Variants in PCDHGA4 observed in about 807,000 individuals in gnomAD.
PCDHGA4 encodes protocadherin gamma subfamily A, 4.
In PCDHGA4, 38 loss-of-function variants were observed where a neutral mutation model predicts 54.6. The observed-to-expected ratio is 0.70, with a 90% CI of 0.54 to 0.91. The LOEUF (loss-of-function observed/expected upper bound fraction) is 0.91. Among genes scored for constraint, PCDHGA4 ranks in the 40% least tolerant of loss-of-function variants. The probability of loss-of-function intolerance (pLI) is 0.00; values close to 1 mark genes in which losing one functional copy is unlikely to be tolerated. For synonymous variants in PCDHGA4, 511 were observed against 512.9 expected (o/e 1.00, Z 0.05); for missense variants, 1,298 against 1,220.9 (o/e 1.06, Z -0.94).
chr5:141,403,229 G>C, intron 1 of PCDHGA4: 1 of 1,613,950 alleles, frequency 6.2e-7, no homozygotes, highest in Non-Finnish European at 8.5e-7. Flanking sequence ...GATAGACCGG[G>C]AGGAGCTCTG....
At chr5:141,438,710 G>C (rs568772648) in intron 1 of PCDHGA4, among the ~76,000 whole-genome samples, 2 of 147,308 alleles carry the variant, frequency 1.4e-5, no homozygotes, top group South Asian at 4.3e-4. Context: ...ACCCAGGCTG[G>C]AGTGCAAGTG....
At chr5:141,395,110 GTCACCTGATCTT>G in intron 1 of PCDHGA4, 2 of 1,614,214 alleles carry the variant, frequency 1.2e-6, no homozygotes, top group African/African-American at 1.3e-5. Flanking sequence ...TCGCGGAAGA[GTCACCTGATCTT>G]TCCCCAGCCC....
intron 1 of PCDHGA4, among the ~76,000 whole-genome samples, chr5:141,380,213 T>C (rs1284651338): frequency 1.3e-5 from 2 of 152,186 alleles, no homozygotes; most frequent in Admixed American, 6.5e-5. Context: ...AAGGCATTCA[T>C]TTCTGATCAG....
intron 1 of PCDHGA4, chr5:141,412,954 C>A (rs2095592297): frequency 2.1e-6 from 1 of 482,442 alleles, no homozygotes; most frequent in Non-Finnish European, 3.6e-6. Flanking sequence ...CGCCGCTGTT[C>A]ACCTACTAGG....
In PCDHGA4 at chr5:141,432,285, C is replaced by A; in HGVS notation, c.2515-62522C>A. On this transcript the variant is annotated intron_variant, in intron 1 of 3. Transcript: ENST00000571252. The surrounding 1 kb of genome is among the most constrained non-coding windows in gnomAD (Gnocchi z 6.0). ...CTATCGTCCTACGTGTCCATCAACTCCGACACTGGGGTACTGTATGCGCTG... is the reference window on the plus strand; with the variant it reads ...CTATCGTCCTACGTGTCCATCAACTACGACACTGGGGTACTGTATGCGCTG... The A allele has an allele frequency of 6.2e-7, 1 of 1,614,262 alleles. No homozygotes were observed. The highest frequency in any genetic ancestry group is 8.5e-7 in the Non-Finnish European group (1 of 1,180,052).
intron 1 of PCDHGA4, among the ~76,000 whole-genome samples, chr5:141,461,433 C>A (rs183800312): frequency 1.3e-5 from 2 of 151,970 alleles, no homozygotes; most frequent in Non-Finnish European, 1.5e-5. Context: ...CATTTGTATA[C>A]CTTCTTTTGA....
chr5:141,370,882 G>T, intron 1 of PCDHGA4: 1 of 1,614,012 alleles, frequency 6.2e-7, no homozygotes, highest in Non-Finnish European at 8.5e-7. Context: ...CCTGATGTAG[G>T]TGTCAATTCG....
intron 1 of PCDHGA4, chr5:141,378,634 T>C (rs1775059163): frequency 6.6e-6 from 1 of 152,196 alleles, no homozygotes; most frequent in African/African-American, 2.4e-5. Context: ...GACTGGTGAA[T>C]GGGAGAACAA....
At chr5:141,371,984 C>G (rs761389914) in intron 1 of PCDHGA4, 4 of 1,613,266 alleles carry the variant, frequency 2.5e-6, no homozygotes, top group Non-Finnish European at 2.5e-6. Context: ...CCTTCGAGCT[C>G]ACTCTGCAGG....
chr5:141,408,694 A>T (rs2095152952), intron 1 of PCDHGA4: 1 of 1,613,772 alleles, frequency 6.2e-7, no homozygotes, highest in African/African-American at 1.3e-5. Flanking sequence ...ATATAAACAT[A>T]AACTCAATTA....
intron 1 of PCDHGA4, among the ~76,000 whole-genome samples, chr5:141,472,497 G>A (rs1196427013): frequency 1.3e-5 from 2 of 151,958 alleles, no homozygotes; most frequent in Non-Finnish European, 2.9e-5. Context: ...ACGAGATCGT[G>A]CCACTGCACT....
chr5:141,431,697 G>T lies in PCDHGA4; in HGVS notation c.2515-63110G>T, dbSNP rs1303639699. 6.2e-7 allele frequency: 1 copy of T among 1,614,206 alleles called. No homozygotes were observed. Among genetic ancestry groups the T allele is most frequent in the Admixed American group, 1.7e-5 (1 of 60,024 alleles). ...GGGGAGTTGGACCACGAGGAGTCAG[G>T]ATTCTACCAGATGGAAGTGCAAGCA... On this transcript the variant is annotated intron_variant, in intron 1 of 3. Transcript: ENST00000571252. This position sits in a 1 kb window ranked among gnomAD's most constrained non-coding sequence, Gnocchi z 4.8.
chr5:141,361,703 A>G, intron 1 of PCDHGA4: 1 of 1,613,388 alleles, frequency 6.2e-7, no homozygotes, highest in East Asian at 2.2e-5. Flanking sequence ...TTCGATCATG[A>G]GCAGCTGCGC....
At chr5:141,423,123 A>C in intron 1 of PCDHGA4, 1 of 1,613,760 alleles carries the variant, frequency 6.2e-7, no homozygotes. Flanking sequence ...CAGCGCGGGC[A>C]CTGCTGGACA....
rs758066525 is a variant in PCDHGA4, at chr5:141,477,331, T to C, written c.2515-17476T>C. The C allele has an allele frequency of 7.4e-6, 12 of 1,614,024 alleles. No individual in the cohort carries two copies. In the East Asian group the frequency reaches 1.1e-4, roughly 15 times the overall value. Reference sequence around the variant, plus strand: ...TCAGCCTTACTTCTTCCCTCAAGAATTACTTCACTTTGAAAACCAGTGCAG... The same window carrying C: ...TCAGCCTTACTTCTTCCCTCAAGAACTACTTCACTTTGAAAACCAGTGCAG... On this transcript the variant is annotated intron_variant, in intron 1 of 3. Coordinates refer to ENST00000571252, the MANE Select transcript of PCDHGA4 (RefSeq NM_018917.4). This position sits in a 1 kb window ranked among gnomAD's most constrained non-coding sequence, Gnocchi z 4.9.
intron 1 of PCDHGA4, chr5:141,362,620 T>C (rs763103959): frequency 1.0e-4 from 160 of 1,526,964 alleles, no homozygotes; most frequent in Non-Finnish European, 1.4e-4. Context: ...GGGTAGGAAG[T>C]TCCACTGCGT....
At chr5:141,357,751 C>T (rs921267826) in intron 1 of PCDHGA4, 130 bp downstream of exon 1, 33 of 1,131,562 alleles carry the variant, frequency 2.9e-5, no homozygotes, top group Non-Finnish European at 3.9e-5. Flanking sequence ...TTAAAGAAAA[C>T]TGGTGGATGA....
chr5:141,485,920 T>G lies in PCDHGA4; in HGVS notation c.2515-8887T>G. 4 of 1,614,038 alleles carry G rather than the reference T, an allele frequency of 2.5e-6. No individual in the cohort carries two copies. Among genetic ancestry groups the G allele is most frequent in the Non-Finnish European group, 3.4e-6 (4 of 1,180,010 alleles). ...CCTTCCAGCAATCCAGCTACAGGAT[T>G]AGTGTGTTGGAGAGCGCACCAGCGG... On this transcript the variant is annotated intron_variant, in intron 1 of 3. Transcript: ENST00000571252. The surrounding 1 kb of genome is among the most constrained non-coding windows in gnomAD (Gnocchi z 5.7).
intron 1 of PCDHGA4, chr5:141,428,456 A>G (rs538022786): frequency 1.4e-5 from 5 of 358,650 alleles, no homozygotes; most frequent in South Asian, 1.1e-4. Context: ...TTTCCCAACT[A>G]CAATGAGGGA....
Sources: allele counts gnomAD v4.1 joint callset (sites outside exome capture counted in the v4.1 genomes callset), GRCh38; gene constraint gnomAD v4.1.1; non-coding constraint Gnocchi (gnomAD v3.1); transcripts MANE v1.5; gene names NCBI Gene and HGNC (gene_info 2026-07-23, HGNC 2026-07-21).